The following ENPP1 variants were observed in gnomAD, a reference collection of about 807,000 sequenced individuals.
ENPP1 encodes the protein ectonucleotide pyrophosphatase/phosphodiesterase 1, also known as ectonucleotide pyrophosphatase/phosphodiesterase family member 1.
In ENPP1, 73 loss-of-function variants were observed where a neutral mutation model predicts 122.8. The ratio of observed to expected loss-of-function variants is 0.59; its 90% CI spans 0.49 to 0.72. ENPP1 has a LOEUF of 0.72. Among genes scored for constraint, ENPP1 ranks in the 30% least tolerant of loss-of-function variants. The pLI is 0.00. For synonymous variants in ENPP1, 367 were observed against 391.6 expected (o/e 0.94, Z 0.74); for missense variants, 978 against 1,128.1 (o/e 0.87, Z 1.91).
intron 1 of ENPP1, among the ~76,000 whole-genome samples, chr6:131,834,928 T>A (rs940364015): frequency 1.3e-5 from 2 of 152,168 alleles, no homozygotes; most frequent in African/African-American, 4.8e-5. Context: ...AAGGTATGAT[T>A]AGTTTCCAGA....
chr6:131,834,834 C>T (rs996376521), intron 1 of ENPP1, among the ~76,000 whole-genome samples: 31 of 152,170 alleles, frequency 2.0e-4, no homozygotes, highest in African/African-American at 6.8e-4. Flanking sequence ...GCTGGGATTA[C>T]AGGCGTGAGC....
intron 3 of ENPP1, 50 bp downstream of exon 3, chr6:131,850,156 C>G (rs772770612): frequency 1.6e-6 from 2 of 1,260,916 alleles, no homozygotes; most frequent in South Asian, 2.4e-5. Flanking sequence ...AGGAAAAGAT[C>G]AAGGAAAGTT....
intron 3 of ENPP1, 24 bp from the exon 4 acceptor site, chr6:131,851,118 C>A (rs776319232): frequency 6.2e-7 from 1 of 1,613,340 alleles, no homozygotes; most frequent in Non-Finnish European, 8.5e-7. Flanking sequence ...ACATAAAACA[C>A]ATTTTGCTGA....
chr6:131,836,068 A>G (rs952680764), intron 1 of ENPP1, among the ~76,000 whole-genome samples: 3 of 152,020 alleles, frequency 2.0e-5, no homozygotes, highest in Admixed American at 2.0e-4. Flanking sequence ...TTTTAAAAGA[A>G]AGATGTGACA....
chr6:131,864,593 A>G (rs1339708925), intron 10 of ENPP1, 22 bp downstream of exon 10: 2 of 1,499,906 alleles, frequency 1.3e-6, no homozygotes, highest in South Asian at 1.1e-5. Context: ...ATTAATTTCT[A>G]TTGTAAATAC....
rs1585851923 is a variant in ENPP1, at chr6:131,894,285, A to T, written c.*3774A>T. 1 of 135,336 alleles carries T rather than the reference A, an allele frequency of 7.4e-6. No homozygotes were observed. 8.4% of individuals were successfully genotyped at this position (135,336 alleles called of 1,614,324 possible). A position where few individuals can be genotyped will look rare whatever the true frequency, so the allele number is the denominator to read the frequency against. On this transcript the variant is annotated 3_prime_UTR_variant, in exon 25 of 25. Transcript: ENST00000647893. The stretch of plus-strand genomic sequence containing the variant: ...GATTTCTACTGTCATGCCTCACATC[A>T]GTCCTTTTTTTTTTTTTTGAGACAG...
chr6:131,885,153 T>A (rs1782361055), intron 23 of ENPP1, 90 bp downstream of exon 23: 1 of 1,252,758 alleles, frequency 8.0e-7, no homozygotes, highest in African/African-American at 1.5e-5. Flanking sequence ...GAACCTTTTT[T>A]ATCCAGTGTC....
intron 1 of ENPP1, among the ~76,000 whole-genome samples, chr6:131,837,131 C>A (rs1282991628): frequency 2.7e-5 from 4 of 149,120 alleles, no homozygotes; most frequent in African/African-American, 9.9e-5. Context: ...CCACCAAGAA[C>A]AAGAGTGAGT....
At position 131,852,241 on chromosome 6, in the gene ENPP1, A is replaced by G. The variant is rs1038429331; in HGVS notation, c.617+6A>G. ...GAGCCACAGTGCCCAGCAGGGTAAG[A>G]TTATATTCTGAGGTATTAATTTTTT... is the stretch of plus-strand genomic sequence containing the variant. On this transcript the variant is annotated splice_donor_region_variant and intron_variant, in intron 5 of 24. Coordinates refer to ENST00000647893, the MANE Select transcript of ENPP1 (RefSeq NM_006208.3). 4.4e-5 allele frequency: 69 copies of G among 1,585,678 alleles called. No individual in the cohort carries two copies. The highest frequency in any genetic ancestry group is 5.6e-5 in the Non-Finnish European group (65 of 1,160,234).
chr6:131,856,649 C>A (rs1226758936), intron 6 of ENPP1, among the ~76,000 whole-genome samples: 10 of 142,148 alleles, frequency 7.0e-5, no homozygotes, highest in Non-Finnish European at 1.3e-4. Context: ...TTTAATCCAT[C>A]TTGAATTGAT....
intron 20 of ENPP1, among the ~76,000 whole-genome samples, chr6:131,881,983 C>A (rs1207756069): frequency 6.6e-6 from 1 of 151,542 alleles, no homozygotes; most frequent in Non-Finnish European, 1.5e-5. Flanking sequence ...GCGCCGCTGC[C>A]CTCTAGTCTG....
At chr6:131,860,335 A>C (rs1010710199) in intron 7 of ENPP1, 52 bp from the exon 8 acceptor site, 6 of 1,350,428 alleles carry the variant, frequency 4.4e-6, no homozygotes, top group Non-Finnish European at 6.3e-6. Flanking sequence ...CTGTGAATGT[A>C]TTTAACATTA....
At chr6:131,851,481 C>T in intron 4 of ENPP1, 1 of 559,054 alleles carries the variant, frequency 1.8e-6, no homozygotes, top group East Asian at 3.2e-5. Context: ...CACCCAGCTT[C>T]ATAATTATGA....
At chr6:131,820,145 C>T (rs964179180) in intron 1 of ENPP1, 5 of 325,154 alleles carry the variant, frequency 1.5e-5, no homozygotes, top group Non-Finnish European at 2.3e-5. Flanking sequence ...GAGATTACTA[C>T]TTTTAGAATT....
intron 24 of ENPP1, among the ~76,000 whole-genome samples, chr6:131,888,630 T>C (rs1474972546): frequency 1.3e-5 from 2 of 152,224 alleles, no homozygotes; most frequent in African/African-American, 4.8e-5. Flanking sequence ...TCAGAATTAC[T>C]TGTTCCTATA....
intron 24 of ENPP1, among the ~76,000 whole-genome samples, chr6:131,889,125 C>G (rs761117680): frequency 9.2e-5 from 14 of 152,210 alleles, no homozygotes; most frequent in Admixed American, 4.6e-4. Flanking sequence ...TCAAAATAAC[C>G]CGATGAGGAG....
Position 131,880,041 on chromosome 6 carries a change from A to G in ENPP1, c.2100+7A>G. On this transcript the variant is annotated splice_region_variant and intron_variant, in intron 20 of 24. Transcript: ENST00000647893. ...CTATACCGTGGACAGAAATGCAAGTATTTGTCACCTCTTTATGTGTGGCCA... is the reference window on the plus strand; with the variant it reads ...CTATACCGTGGACAGAAATGCAAGTGTTTGTCACCTCTTTATGTGTGGCCA... The G allele has an allele frequency of 2.5e-6, 4 of 1,613,050 alleles. No homozygotes were observed. The highest frequency in any genetic ancestry group is 3.4e-6 in the Non-Finnish European group (4 of 1,179,038).
chr6:131,842,173 C>T (rs753607420), intron 1 of ENPP1, among the ~76,000 whole-genome samples: 28 of 152,118 alleles, frequency 1.8e-4, no homozygotes, highest in Non-Finnish European at 1.8e-4. Flanking sequence ...CGTAATCTGT[C>T]TTGTGATGTT....
At chr6:131,858,790 A>T in intron 7 of ENPP1, 43 bp downstream of exon 7, 1 of 1,321,006 alleles carries the variant, frequency 7.6e-7, no homozygotes. Context: ...AAGAAGTGAG[A>T]TGGGATTGTA....
Sources: allele counts gnomAD v4.1 joint callset (sites outside exome capture counted in the v4.1 genomes callset), GRCh38; gene constraint gnomAD v4.1.1; transcripts MANE v1.5; gene names NCBI Gene and HGNC (gene_info 2026-07-23, HGNC 2026-07-21).